The following RFX4 variants were observed in gnomAD, a reference collection of about 807,000 sequenced individuals.
The protein encoded by RFX4 is transcription factor RFX4.
Under a neutral mutation model 95.0 loss-of-function variants are expected in RFX4, and 10 were observed. That is an observed-to-expected ratio of 0.11 (90% CI 0.06 to 0.18). The LOEUF (loss-of-function observed/expected upper bound fraction) is 0.18, where lower values mean the gene tolerates loss of function less well. Among genes scored for constraint, RFX4 ranks in the 10% least tolerant of loss-of-function variants. RFX4 has a pLI of 1.00. For missense variants in RFX4, 640 were observed against 922.0 expected (o/e 0.69, Z 3.96); for synonymous variants, 321 against 340.7 (o/e 0.94, Z 0.64).
At chr12:106,640,372 G>T (rs2040596629) in intron 3 of RFX4, among the ~76,000 whole-genome samples, 1 of 152,146 alleles carries the variant, frequency 6.6e-6, no homozygotes, top group Non-Finnish European at 1.5e-5. Flanking sequence ...GAAGCAGATG[G>T]GCTTTAATGA....
intron 16 of RFX4, among the ~76,000 whole-genome samples, chr12:106,749,178 C>T (rs1449187688): frequency 6.6e-6 from 1 of 150,972 alleles, no homozygotes; most frequent in Non-Finnish European, 1.5e-5. Flanking sequence ...ATTGCATGAA[C>T]CCAGGAGGCG....
At position 106,720,795 on chromosome 12, in the gene RFX4, G is replaced by T. The variant is rs1379905575; in HGVS notation, c.1270G>T (p.Ala424Ser). 3 of 1,613,782 alleles carry T rather than the reference G, an allele frequency of 1.9e-6. No homozygotes were observed. In the Admixed American group the frequency reaches 5.0e-5, roughly 27 times the overall value. Residue 424 changes from alanine to serine, a missense_variant, in exon 13 of 18, where the codon GCC becomes TCC. This residue lies in a region of RFX4 where 72 missense variants were observed against 80.5 expected (regional missense o/e 0.89). Coordinates refer to ENST00000392842, the MANE Select transcript of RFX4 (RefSeq NM_213594.3). The surrounding 1 kb of genome is among the most constrained non-coding windows in gnomAD (Gnocchi z 4.2). Reference sequence around the variant, plus strand: ...GAGACAAGGGTCCTTGAAGAAAGTGGCCCAGCAGTTCCTCTTGATGTGGTC... The same window carrying T: ...GAGACAAGGGTCCTTGAAGAAAGTGTCCCAGCAGTTCCTCTTGATGTGGTC... Reference protein sequence around the residue: ...AKRQGSLKKVAQQFLLMWSCF... With the variant: ...AKRQGSLKKVSQQFLLMWSCF...
chr12:106,660,066 G>T (rs2041041537), intron 4 of RFX4, among the ~76,000 whole-genome samples: 1 of 151,926 alleles, frequency 6.6e-6, no homozygotes, highest in South Asian at 2.1e-4. Context: ...GTGAACTCTG[G>T]GGTACTGAGT....
chr12:106,748,602 A>G (rs1481146449), intron 16 of RFX4, among the ~76,000 whole-genome samples: 2 of 152,234 alleles, frequency 1.3e-5, no homozygotes, highest in Non-Finnish European at 2.9e-5. Flanking sequence ...ATCAAAAGAC[A>G]CTAACCTTAC....
At chr12:106,583,423 GAACTT>G in intron 1 of RFX4, 60 bp downstream of exon 1, 1 of 1,400,702 alleles carries the variant, frequency 7.1e-7, no homozygotes, top group Non-Finnish European at 9.6e-7. Context: ...GGGAGAGGGG[GAACTT>G]TAGAAAGAAG....
chr12:106,602,195 A>C (rs909268793), intron 1 of RFX4, among the ~76,000 whole-genome samples: 5 of 152,326 alleles, frequency 3.3e-5, no homozygotes, highest in African/African-American at 1.2e-4. Flanking sequence ...TCTCTGCTTC[A>C]GTTGCTGCGA....
At chr12:106,746,183 C>G (rs1029309468) in intron 15 of RFX4, among the ~76,000 whole-genome samples, 6 of 152,060 alleles carry the variant, frequency 3.9e-5, no homozygotes, top group Non-Finnish European at 8.8e-5. Context: ...TGGTGAAACC[C>G]TGTCTCTACT....
rs200666585 is a variant in RFX4 at position 106,750,636 on chromosome 12, T to C, written c.1797-19T>C. Reference sequence around the variant, plus strand: ...TCTTGCTATTACTCACACTATTCAATGTGCTTGATGCATTTTAGATACACG... The same window carrying C: ...TCTTGCTATTACTCACACTATTCAACGTGCTTGATGCATTTTAGATACACG... On this transcript the variant is annotated intron_variant, in intron 16 of 17. Coordinates refer to ENST00000392842, the MANE Select transcript of RFX4 (RefSeq NM_213594.3). 3.2e-6 allele frequency: 5 copies of C among 1,578,248 alleles called. No homozygotes were observed. Among genetic ancestry groups the C allele is most frequent in the East Asian group, 2.3e-5 (1 of 42,952 alleles).
intron 8 of RFX4, among the ~76,000 whole-genome samples, chr12:106,704,239 G>C (rs748244307): frequency 7.9e-5 from 12 of 152,046 alleles, no homozygotes; most frequent in Non-Finnish European, 1.2e-4. Context: ...CTAGTTCCTG[G>C]AATACAGCAT....
chr12:106,694,800 C>T (rs986798006), intron 7 of RFX4, among the ~76,000 whole-genome samples: 10 of 151,978 alleles, frequency 6.6e-5, no homozygotes, highest in Admixed American at 2.0e-4. Context: ...TTTGGGAGGC[C>T]GAGGCGTGCA....
intron 5 of RFX4, 103 bp from the exon 6 acceptor site, chr12:106,686,781 T>C: frequency 9.2e-7 from 1 of 1,091,170 alleles, no homozygotes; most frequent in Non-Finnish European, 1.3e-6. Flanking sequence ...TCCTTGGCCT[T>C]GGGCAACACT....
intron 6 of RFX4, among the ~76,000 whole-genome samples, chr12:106,688,716 T>C (rs2137426534): frequency 6.6e-6 from 1 of 152,082 alleles, no homozygotes; most frequent in African/African-American, 2.4e-5. Flanking sequence ...TCTCAGGTAA[T>C]TGAAAAAAAC....
chr12:106,752,892 C>T (rs948250136), intron 17 of RFX4, among the ~76,000 whole-genome samples: 3 of 152,054 alleles, frequency 2.0e-5, no homozygotes, highest in Admixed American at 6.6e-5. Flanking sequence ...GGCTCTGATC[C>T]GACTGGTGGC....
In RFX4 at chr12:106,715,505, G is replaced by C. The variant is rs757481574; in HGVS notation, c.1099G>C (p.Glu367Gln). The change falls in exon 11 of 18, where the codon GAA (glutamate) becomes CAA (glutamine). Residue 367 changes from glutamate to glutamine, a missense_variant. Coordinates refer to ENST00000392842, the MANE Select transcript of RFX4 (RefSeq NM_213594.3). ...CACCAAGCAAACCCTTTACACCATG[G>C]AAGACTCTCGCGATGAGCACCGGAA... ...SITKQTLYTM[E>Q]DSRDEHRKLI... The C allele has an allele frequency of 2.5e-6, 4 of 1,614,178 alleles. No individual in the cohort carries two copies. The South Asian group carries it at 4.4e-5, about 18-fold the overall frequency.
chr12:106,701,609 A>G (rs1458314677), intron 8 of RFX4, among the ~76,000 whole-genome samples: 1 of 152,134 alleles, frequency 6.6e-6, no homozygotes, highest in Non-Finnish European at 1.5e-5. Flanking sequence ...TTACTGACCT[A>G]TCTTCAGGTT....
intron 2 of RFX4, among the ~76,000 whole-genome samples, chr12:106,638,784 T>A (rs904443943): frequency 6.6e-6 from 1 of 152,194 alleles, no homozygotes; most frequent in Non-Finnish European, 1.5e-5. Context: ...CTTCTCTGTC[T>A]TCTCAGAGGG....
At chr12:106,745,057 A>G (rs1249484734) in intron 15 of RFX4, among the ~76,000 whole-genome samples, 1 of 152,154 alleles carries the variant, frequency 6.6e-6, no homozygotes, top group Non-Finnish European at 1.5e-5. Context: ...TGGAAAACTC[A>G]TATCTAAGTT....
chr12:106,666,225 T>C (rs1592914870), intron 4 of RFX4, among the ~76,000 whole-genome samples: 1 of 152,056 alleles, frequency 6.6e-6, no homozygotes, highest in African/African-American at 2.4e-5. Flanking sequence ...GTTTACATGA[T>C]TTCCAAGCAG....
intron 1 of RFX4, among the ~76,000 whole-genome samples, chr12:106,597,767 A>G (rs10778495): frequency 0.33 from 49,929 of 151,992 alleles, 8,961 homozygotes; most frequent in African/African-American, 0.48. Flanking sequence ...GGCTGAGGTG[A>G]GAGAATCACT....
Sources: gnomAD v4.1 joint callset for allele counts (sites outside exome capture counted in the v4.1 genomes callset) on GRCh38, gnomAD v4.1.1 for gene constraint, gnomAD v4.1.1 regional missense constraint, Gnocchi (gnomAD v3.1) non-coding constraint, MANE v1.5 for transcripts, NCBI Gene and HGNC (gene_info 2026-07-23, HGNC 2026-07-21) for gene names.